FXR1: variants seen among roughly 807,000 people sequenced by gnomAD.
FXR1 encodes the protein FMR1 autosomal homolog 1.
In FXR1, 15 loss-of-function variants were observed where a neutral mutation model predicts 84.0. The observed-to-expected ratio is 0.18, with a 90% CI of 0.12 to 0.27. The LOEUF (loss-of-function observed/expected upper bound fraction) is 0.27, where lower values mean the gene tolerates loss of function less well. Among genes scored for constraint, FXR1 ranks in the 10% least tolerant of loss-of-function variants. FXR1 has a pLI of 1.00. For synonymous variants in FXR1, 245 were observed against 250.7 expected (o/e 0.98, Z 0.21); for missense variants, 480 against 774.4 (o/e 0.62, Z 4.51).
At chr3:180,931,026 C>CAAAAAAAAAAAAAAAAAAAAAA (rs57731098) in intron 1 of FXR1, among the ~76,000 whole-genome samples, 3 of 55,640 alleles carry the variant, frequency 5.4e-5, no homozygotes, top group African/African-American at 1.2e-4. Flanking sequence ...GAGACTGCCT[C>CAAAAAAAAAAAAAAAAAAAAAA]AAAAAAAAAA....
At chr3:180,960,479 T>G (rs1436365147) in intron 10 of FXR1, among the ~76,000 whole-genome samples, 1 of 152,198 alleles carries the variant, frequency 6.6e-6, no homozygotes, top group Non-Finnish European at 1.5e-5. Flanking sequence ...TGTTTTTTGT[T>G]TCTGGAGACA....
At chr3:180,942,733 G>T (rs1351550599) in intron 3 of FXR1, among the ~76,000 whole-genome samples, 1 of 152,132 alleles carries the variant, frequency 6.6e-6, no homozygotes, top group African/African-American at 2.4e-5. Context: ...AGTGTGAATT[G>T]TTCCTGCGAA....
chr3:180,926,094 ACTTTTTT>A (rs903941140), intron 1 of FXR1, among the ~76,000 whole-genome samples: 1 of 152,210 alleles, frequency 6.6e-6, no homozygotes, highest in Non-Finnish European at 1.5e-5. Flanking sequence ...CATGAACTGC[ACTTTTTT>A]CTTTTTTTAA....
intron 1 of FXR1, among the ~76,000 whole-genome samples, chr3:180,930,518 A>AT (rs1576914094): frequency 1.3e-5 from 2 of 152,200 alleles, no homozygotes; most frequent in South Asian, 4.1e-4. Flanking sequence ...GACTAGAAAG[A>AT]TTAATTTGTG....
rs56345724 is a variant in FXR1 at position 180,970,383 on chromosome 3, A to AATATAT, written c.1603+59_1603+64dup. ...GGTATGTAAGCACTTAGGGAAGAGA[A>AATATAT]ATATATATATATATATATATATATA... On this transcript the variant is annotated intron_variant, in intron 15 of 16. Coordinates refer to ENST00000357559, the MANE Select transcript of FXR1 (RefSeq NM_005087.4). 2,492 of 367,982 alleles carry AATATAT rather than the reference A, an allele frequency of 6.8e-3. 39 individuals carry two copies. Among genetic ancestry groups the AATATAT allele is most frequent in the African/African-American group, 0.019 (634 of 32,956 alleles). The allele number at this position is 367,982 out of a possible 1,614,324, so 22.8% of individuals were successfully genotyped here.
In FXR1 at chr3:180,962,771, A is replaced by G. The variant is rs540037946; in HGVS notation, c.1078-112A>G. ...GACTAGGAACACAATGCTCTTTACC[A>G]TCTAATTGCCTAAGGTCACAGCTTT... On this transcript the variant is annotated intron_variant, in intron 11 of 16. Transcript: ENST00000357559. The G allele has an allele frequency of 7.1e-6, 5 of 703,716 alleles. No homozygotes were observed. In the South Asian group the frequency reaches 7.1e-5, roughly 10 times the overall value. 43.6% of individuals were successfully genotyped at this position (703,716 alleles called of 1,614,324 possible). A position where few individuals can be genotyped will look rare whatever the true frequency, so the allele number is the denominator to read the frequency against.
At chr3:180,913,139 C>T (rs1717437041) in intron 1 of FXR1, among the ~76,000 whole-genome samples, 1 of 152,058 alleles carries the variant, frequency 6.6e-6, no homozygotes, top group African/African-American at 2.4e-5. Flanking sequence ...GCCCCTCGAA[C>T]TGGGCCGGGC....
At chr3:180,927,298 T>C (rs944014448) in intron 1 of FXR1, among the ~76,000 whole-genome samples, 8 of 152,082 alleles carry the variant, frequency 5.3e-5, no homozygotes, top group Non-Finnish European at 7.4e-5. Context: ...ACTTTGGGGC[T>C]ATATAAGATG....
chr3:180,951,433 G>C lies in FXR1; in HGVS notation c.766G>C (p.Asp256His). The C allele has an allele frequency of 6.2e-7, 1 of 1,613,636 alleles. No individual in the cohort carries two copies. Among genetic ancestry groups the C allele is most frequent in the Non-Finnish European group, 8.5e-7 (1 of 1,179,614 alleles). The stretch of plus-strand genomic sequence containing the variant: ...TCCTGGAGTTACCGCCATTGAGCTA[G>C]ATGAAGATACTGGAACATTCAGAAT... ...KVPGVTAIEL[D>H]EDTGTFRIYG... The change falls in exon 8 of 17, where the codon GAT becomes CAT. Residue 256 changes from aspartate to histidine, a missense_variant. Around this residue, in one of 6 missense-constraint regions of FXR1, gnomAD observed 136 missense variants for 315.4 expected, o/e 0.43. Coordinates refer to ENST00000357559, the MANE Select transcript of FXR1 (RefSeq NM_005087.4).
At chr3:180,964,646 A>G (rs1233954202) in intron 13 of FXR1, among the ~76,000 whole-genome samples, 1 of 146,716 alleles carries the variant, frequency 6.8e-6, no homozygotes, top group Non-Finnish European at 1.5e-5. Flanking sequence ...TCATGTATAC[A>G]TTATATCAGA....
chr3:180,931,343 C>T (rs945629199), intron 1 of FXR1, among the ~76,000 whole-genome samples: 2 of 151,894 alleles, frequency 1.3e-5, no homozygotes, highest in African/African-American at 2.4e-5. Context: ...CTCGGCCTCC[C>T]GAGTAGCTGG....
At chr3:180,941,801 A>G (rs1023654701) in intron 3 of FXR1, among the ~76,000 whole-genome samples, 26 of 152,348 alleles carry the variant, frequency 1.7e-4, no homozygotes, top group African/African-American at 6.3e-4. Flanking sequence ...GAATGAGATA[A>G]TACTATTATT....
intron 3 of FXR1, among the ~76,000 whole-genome samples, chr3:180,944,945 G>T: frequency 6.6e-6 from 1 of 152,090 alleles, no homozygotes; most frequent in East Asian, 1.9e-4. Context: ...TTTTAGTGAG[G>T]GTTTAAACAT....
At chr3:180,951,668 G>A (rs1174033528) in intron 8 of FXR1, among the ~76,000 whole-genome samples, 200 bp downstream of exon 8, 1 of 152,190 alleles carries the variant, frequency 6.6e-6, no homozygotes, top group Admixed American at 6.6e-5. Context: ...GATTTACTAA[G>A]TAATTAAATA....
intron 1 of FXR1, among the ~76,000 whole-genome samples, chr3:180,919,932 C>T (rs1438071509): frequency 6.6e-6 from 1 of 152,154 alleles, no homozygotes; most frequent in Non-Finnish European, 1.5e-5. Context: ...TCCCAAAGTG[C>T]TGGGATTACA....
intron 1 of FXR1, among the ~76,000 whole-genome samples, chr3:180,915,209 C>A (rs1464867118): frequency 6.6e-6 from 1 of 152,062 alleles, no homozygotes; most frequent in Non-Finnish European, 1.5e-5. Flanking sequence ...GTAAAATAAG[C>A]CTTTTTTGGT....
chr3:180,961,307 T>G (rs1482085247), intron 10 of FXR1, among the ~76,000 whole-genome samples, 161 bp from the exon 11 acceptor site: 3 of 127,180 alleles, frequency 2.4e-5, no homozygotes, highest in Non-Finnish European at 4.6e-5. Context: ...AACACTGCAC[T>G]GTAGCCTGGG....
At chr3:180,915,424 A>C in intron 1 of FXR1, 1 of 907,658 alleles carries the variant, frequency 1.1e-6, no homozygotes, top group Non-Finnish European at 1.7e-6. Flanking sequence ...ATAGAATCGT[A>C]CACTATATTG....
chr3:180,971,074 G>C (rs1713508533), intron 15 of FXR1: 13 of 1,216,884 alleles, frequency 1.1e-5, no homozygotes, highest in Non-Finnish European at 1.4e-5. Context: ...TGCAATTACA[G>C]ATGATAGTGA....
Sources: allele counts gnomAD v4.1 joint callset (sites outside exome capture counted in the v4.1 genomes callset), GRCh38; gene constraint gnomAD v4.1.1; regional missense constraint gnomAD v4.1.1; transcripts MANE v1.5; gene names NCBI Gene and HGNC (gene_info 2026-07-23, HGNC 2026-07-21).